ZNF385D: variants seen among roughly 807,000 people sequenced by gnomAD.
The protein encoded by ZNF385D is zinc finger protein 385D.
Under a neutral mutation model 35.8 loss-of-function variants are expected in ZNF385D, and 15 were observed. The ratio of observed to expected loss-of-function variants is 0.42; its 90% CI spans 0.28 to 0.64. The LOEUF (loss-of-function observed/expected upper bound fraction) is 0.64. Ranked by LOEUF, ZNF385D falls within the 30% of genes least tolerant of loss-of-function variation. The probability of loss-of-function intolerance (pLI) is 0.23; values close to 1 mark genes in which losing one functional copy is unlikely to be tolerated. For synonymous variants in ZNF385D, 212 were observed against 186.8 expected (o/e 1.13, Z -1.10); for missense variants, 474 against 494.6 (o/e 0.96, Z 0.39).
intron 3 of ZNF385D, among the ~76,000 whole-genome samples, chr3:21,971,311 A>G (rs1047134265): frequency 2.6e-5 from 4 of 152,106 alleles, no homozygotes; most frequent in Admixed American, 2.6e-4. Context: ...AAAAGTTAGA[A>G]AACAGGATGA....
At chr3:21,773,999 G>A (rs13066723) in intron 3 of ZNF385D, among the ~76,000 whole-genome samples, 58,056 of 151,706 alleles carry the variant, frequency 0.38, 11,481 homozygotes, top group Middle Eastern at 0.55. Flanking sequence ...ATTCACAATA[G>A]TCAAGACATG....
chr3:21,846,391 C>G (rs1696008051), intron 3 of ZNF385D, among the ~76,000 whole-genome samples: 1 of 152,020 alleles, frequency 6.6e-6, no homozygotes, highest in Admixed American at 6.6e-5. Context: ...TTAAAAAGCA[C>G]TTTCTCATAA....
At chr3:22,103,300 CACAAGTGCTT>C (rs1176686005) in intron 3 of ZNF385D, among the ~76,000 whole-genome samples, 28 of 151,522 alleles carry the variant, frequency 1.8e-4, no homozygotes, top group Non-Finnish European at 3.5e-4. Flanking sequence ...ACTGTGGGCT[CACAAGTGCTT>C]ACGATTTTGC....
At chr3:21,608,858 G>C (rs1426670516) in intron 2 of ZNF385D, among the ~76,000 whole-genome samples, 1 of 152,076 alleles carries the variant, frequency 6.6e-6, no homozygotes. Flanking sequence ...CTTTATCTTT[G>C]TTTAAATTTC....
chr3:21,837,417 G>C (rs1695397555), intron 3 of ZNF385D, among the ~76,000 whole-genome samples: 1 of 152,112 alleles, frequency 6.6e-6, no homozygotes, highest in Admixed American at 6.6e-5. Flanking sequence ...AGATGGTTCA[G>C]TTGGGATGGC....
chr3:22,274,695 G>T (rs886119532), intron 2 of ZNF385D, among the ~76,000 whole-genome samples: 1 of 151,094 alleles, frequency 6.6e-6, no homozygotes, highest in African/African-American at 2.4e-5. Context: ...AAATAGGTTT[G>T]AATGAAACTC....
intron 3 of ZNF385D, among the ~76,000 whole-genome samples, chr3:21,527,462 C>T (rs1236293845): frequency 6.6e-6 from 1 of 152,080 alleles, no homozygotes; most frequent in Non-Finnish European, 1.5e-5. Flanking sequence ...TTTTTTTCTA[C>T]TCCTAAAATA....
At chr3:22,115,821 G>C (rs1171054064) in intron 3 of ZNF385D, among the ~76,000 whole-genome samples, 1 of 152,050 alleles carries the variant, frequency 6.6e-6, no homozygotes, top group Non-Finnish European at 1.5e-5. Flanking sequence ...CCGCTAGCAG[G>C]AAGGTTTAAC....
intron 3 of ZNF385D, among the ~76,000 whole-genome samples, chr3:21,862,875 G>T (rs1380181845): frequency 6.6e-6 from 1 of 152,130 alleles, no homozygotes; most frequent in Non-Finnish European, 1.5e-5. Flanking sequence ...AGTTACAAGT[G>T]GTCTCAGCTG....
intron 2 of ZNF385D, among the ~76,000 whole-genome samples, chr3:21,612,020 T>A (rs1476286510): frequency 6.6e-6 from 1 of 152,194 alleles, no homozygotes; most frequent in Non-Finnish European, 1.5e-5. Flanking sequence ...TTACCATCAT[T>A]CTAGGCAGTT....
At chr3:22,208,988 C>G (rs2125256774) in intron 2 of ZNF385D, among the ~76,000 whole-genome samples, 1 of 151,882 alleles carries the variant, frequency 6.6e-6, no homozygotes, top group African/African-American at 2.4e-5. Context: ...CCAAGGTGAT[C>G]CCCCACTTTA....
intron 3 of ZNF385D, among the ~76,000 whole-genome samples, chr3:22,077,283 A>G: frequency 6.6e-6 from 1 of 151,934 alleles, no homozygotes; most frequent in East Asian, 1.9e-4. Context: ...CCCATACAGA[A>G]TTTTGGTTAA....
intron 3 of ZNF385D, among the ~76,000 whole-genome samples, chr3:22,145,225 G>A (rs1205450413): frequency 6.6e-6 from 1 of 152,088 alleles, no homozygotes; most frequent in African/African-American, 2.4e-5. Context: ...TCTATGCCTT[G>A]CAACCACCAT....
intron 3 of ZNF385D, among the ~76,000 whole-genome samples, chr3:21,775,345 T>G (rs941330513): frequency 6.6e-6 from 1 of 151,862 alleles, no homozygotes; most frequent in Non-Finnish European, 1.5e-5. Flanking sequence ...ACCTGCTACT[T>G]ACCAAGGTCA....
Position 22,112,585 on chromosome 3 carries a change from A to T in ZNF385D, c.325+56232T>A, listed in dbSNP as rs1301792339. On this transcript the variant is annotated intron_variant, in intron 3 of 5. Coordinates refer to the ZNF385D transcript ENST00000494108. ...TATCCACATCAGCTATGTAAGTGTT[A>T]TGACTTAGTATAAATATTTTGATAC... Among the ~76,000 whole-genome samples the T allele has an allele frequency of 2.0e-5, 3 of 152,248 alleles. No homozygotes were observed. In the East Asian group the frequency reaches 5.8e-4, roughly 29 times the overall value.
At chr3:22,195,116 T>C (rs530930251) in intron 2 of ZNF385D, among the ~76,000 whole-genome samples, 3 of 152,044 alleles carry the variant, frequency 2.0e-5, no homozygotes, top group African/African-American at 7.2e-5. Context: ...TTGCTCCCCA[T>C]TGTCATTAGC....
intron 3 of ZNF385D, among the ~76,000 whole-genome samples, chr3:22,022,648 A>G (rs568491256): frequency 6.6e-6 from 1 of 152,294 alleles, no homozygotes; most frequent in East Asian, 1.9e-4. Context: ...TCGTCCCAGA[A>G]AAGAGTCATA....
chr3:21,911,344 G>C (rs149504406), intron 3 of ZNF385D, among the ~76,000 whole-genome samples: 2,014 of 152,068 alleles, frequency 0.013, 28 homozygotes, highest in Middle Eastern at 0.031. Flanking sequence ...CAAAGAGAAT[G>C]TAAAGTGTTT....
rs1190500370 is a variant in ZNF385D, at chr3:21,635,646, T to C, written c.165+29240A>G. On this transcript the variant is annotated intron_variant, in intron 2 of 7. Transcript: ENST00000281523. ...TCTTTAGTAGTGATTTGAGATTTTG[T>C]TGCATGCATCACCTGAGCAGTATAC... Among the ~76,000 whole-genome samples the C allele has an allele frequency of 3.3e-5, 5 of 152,110 alleles. No homozygotes were observed. In the East Asian group the frequency reaches 9.7e-4, roughly 30 times the overall value.
Sources: allele counts gnomAD v4.1 joint callset (sites outside exome capture counted in the v4.1 genomes callset), GRCh38; gene constraint gnomAD v4.1.1; transcripts MANE v1.5; gene names NCBI Gene and HGNC (gene_info 2026-07-23, HGNC 2026-07-21).